SSH2: variants seen among roughly 807,000 people sequenced by gnomAD.
The protein encoded by SSH2 is protein phosphatase Slingshot homolog 2.
SSH2 carries 37 observed loss-of-function variants against 135.2 expected under a neutral mutation model. The observed-to-expected ratio is 0.27, with a 90% CI of 0.21 to 0.36. The LOEUF (loss-of-function observed/expected upper bound fraction) is 0.36. Ranked by LOEUF, SSH2 falls within the 10% of genes least tolerant of loss-of-function variation. The pLI, the probability that SSH2 is intolerant of heterozygous loss-of-function variation, is 1.00. For missense variants in SSH2, 1,408 were observed against 1,765.3 expected, an observed-to-expected ratio of 0.80 and a Z score of 3.63; for synonymous variants, 628 against 646.2, an observed-to-expected ratio of 0.97 and a Z score of 0.43.
intron 3 of SSH2, among the ~76,000 whole-genome samples, chr17:29,783,505 G>A (rs1396595356): frequency 6.6e-6 from 1 of 151,956 alleles, no homozygotes; most frequent in Admixed American, 6.6e-5. Flanking sequence ...GGAGAAAGAT[G>A]TAGGCTGGGA....
At chr17:29,729,498 A>G (rs1271725192) in intron 3 of SSH2, among the ~76,000 whole-genome samples, 1 of 152,232 alleles carries the variant, frequency 6.6e-6, no homozygotes, top group Non-Finnish European at 1.5e-5. Flanking sequence ...TCCAAAAACT[A>G]AATAGAACTA....
chr17:29,862,089 C>T (rs549286031), intron 1 of SSH2, among the ~76,000 whole-genome samples: 1 of 152,314 alleles, frequency 6.6e-6, no homozygotes, highest in South Asian at 2.1e-4. Flanking sequence ...TAGTATTTTA[C>T]ATAGGCTTTT....
At chr17:29,744,838 A>T (rs574030705) in intron 3 of SSH2, among the ~76,000 whole-genome samples, 1 of 150,942 alleles carries the variant, frequency 6.6e-6, no homozygotes, top group African/African-American at 2.4e-5. Context: ...GAAGAGAAAG[A>T]AGTTTTGCTT....
At chr17:29,828,248 T>G (rs766131988) in intron 2 of SSH2, among the ~76,000 whole-genome samples, 10 of 152,228 alleles carry the variant, frequency 6.6e-5, no homozygotes, top group Non-Finnish European at 1.0e-4. Context: ...ATTTTTCCTT[T>G]CGTAGCACTT....
chr17:29,688,290 C>T (rs892412333), intron 5 of SSH2, among the ~76,000 whole-genome samples: 7 of 151,838 alleles, frequency 4.6e-5, no homozygotes, highest in Non-Finnish European at 7.4e-5. Context: ...ATTACAGGTG[C>T]GAGCCACTAC....
chr17:29,655,121 T>C (rs2036730000), intron 12 of SSH2, among the ~76,000 whole-genome samples: 1 of 152,104 alleles, frequency 6.6e-6, no homozygotes, highest in Non-Finnish European at 1.5e-5. Flanking sequence ...CTTTTTTTTT[T>C]GAGATGGTGT....
At chr17:29,704,704 T>TAAA (rs773267123) in intron 3 of SSH2, among the ~76,000 whole-genome samples, 2 of 98,182 alleles carry the variant, frequency 2.0e-5, no homozygotes, top group African/African-American at 3.8e-5. Flanking sequence ...CTCTGTCTCT[T>TAAA]AAAAAAAAAA....
At chr17:29,709,015 T>TATAGAGAGAGAGAG (rs780981175) in intron 3 of SSH2, among the ~76,000 whole-genome samples, 73 of 81,588 alleles carry the variant, frequency 8.9e-4, no homozygotes, top group East Asian at 1.4e-3. Flanking sequence ...TATATATATA[T>TATAGAGAGAGAGAG]AGAGAGAGAG....
At chr17:29,638,190 A>G (rs1265109660) in intron 14 of SSH2, among the ~76,000 whole-genome samples, 1 of 152,040 alleles carries the variant, frequency 6.6e-6, no homozygotes, top group African/African-American at 2.4e-5. Context: ...GACACCAAAC[A>G]ACAACAAAAA....
chr17:29,673,478 G>T (rs1343026097), intron 8 of SSH2, among the ~76,000 whole-genome samples: 1 of 151,932 alleles, frequency 6.6e-6, no homozygotes, highest in South Asian at 2.1e-4. Context: ...GCTGAGGAGG[G>T]AGAATCGCTT....
chr17:29,743,907 C>T (rs865804569), intron 3 of SSH2, among the ~76,000 whole-genome samples: 83 of 99,870 alleles, frequency 8.3e-4, no homozygotes, highest in Non-Finnish European at 9.4e-4. Context: ...TTCTTTTTTC[C>T]TTTTTTTTTT....
At position 29,749,143 on chromosome 17, in the gene SSH2, A is replaced by G. The variant is rs567822146; in HGVS notation, c.188+44751T>C. Among the ~76,000 whole-genome samples the G allele has an allele frequency of 3.3e-5, 5 of 152,352 alleles. No individual in the cohort carries two copies. In the South Asian group the frequency reaches 8.3e-4, roughly 25 times the overall value. ...AGCTTGATAAATGATCTGTGCCAGA[A>G]CCTACACCACACAGTATACTCATTT... is the stretch of plus-strand genomic sequence containing the variant. On this transcript the variant is annotated intron_variant, in intron 3 of 15. Coordinates refer to ENST00000540801, the MANE Select transcript of SSH2 (RefSeq NM_001282129.2).
At chr17:29,730,442 T>C (rs1003384201) in intron 3 of SSH2, among the ~76,000 whole-genome samples, 2 of 150,092 alleles carry the variant, frequency 1.3e-5, no homozygotes, top group African/African-American at 4.9e-5. Context: ...CTTTTTCTTT[T>C]TTTTTTTTTT....
intron 9 of SSH2, among the ~76,000 whole-genome samples, chr17:29,667,914 C>T (rs1475001866): frequency 6.6e-6 from 1 of 152,186 alleles, no homozygotes; most frequent in Non-Finnish European, 1.5e-5. Flanking sequence ...TAAAATCACC[C>T]TTGGAACTTT....
At chr17:29,816,270 G>A (rs573805105) in intron 2 of SSH2, among the ~76,000 whole-genome samples, 2 of 152,188 alleles carry the variant, frequency 1.3e-5, no homozygotes, top group South Asian at 2.1e-4. Context: ...TTTACTTAAC[G>A]GGAAGTAATA....
intron 1 of SSH2, among the ~76,000 whole-genome samples, chr17:29,858,174 G>A (rs2065698034): frequency 6.6e-6 from 1 of 152,158 alleles, no homozygotes; most frequent in Non-Finnish European, 1.5e-5. Context: ...TTTCATTGCA[G>A]AGATATCCCA....
chr17:29,703,358 C>T (rs2039066287), intron 3 of SSH2, among the ~76,000 whole-genome samples: 1 of 151,614 alleles, frequency 6.6e-6, no homozygotes, highest in Admixed American at 6.6e-5. Context: ...AAGTGATTCT[C>T]CTGCCTCAGC....
chr17:29,700,119 T>C (rs2038917319), intron 4 of SSH2, among the ~76,000 whole-genome samples: 1 of 152,224 alleles, frequency 6.6e-6, no homozygotes, highest in African/African-American at 2.4e-5. Context: ...CTCAATGGGA[T>C]CCAATATTTT....
intron 2 of SSH2, among the ~76,000 whole-genome samples, chr17:29,827,312 G>T (rs1473319202): frequency 6.6e-6 from 1 of 152,140 alleles, no homozygotes; most frequent in East Asian, 1.9e-4. Flanking sequence ...ACTAGTAAAA[G>T]GCTCAAAGAA....
Sources: allele counts gnomAD v4.1 joint callset (sites outside exome capture counted in the v4.1 genomes callset), GRCh38; gene constraint gnomAD v4.1.1; transcripts MANE v1.5; gene names NCBI Gene and HGNC (gene_info 2026-07-23, HGNC 2026-07-21).